The following DGCR8 variants were observed in gnomAD, a reference collection of about 807,000 sequenced individuals.
The protein encoded by DGCR8 is DGCR8 microprocessor complex subunit.
In DGCR8, 14 loss-of-function variants were observed where a neutral mutation model predicts 78.5. That is an observed-to-expected ratio of 0.18 (90% CI 0.12 to 0.28). DGCR8 has a LOEUF of 0.28. Ranked by LOEUF, DGCR8 falls within the 10% of genes least tolerant of loss-of-function variation. The probability of loss-of-function intolerance (pLI) is 1.00; values close to 1 mark genes in which losing one functional copy is unlikely to be tolerated. For synonymous variants in DGCR8, 399 were observed against 402.4 expected, an observed-to-expected ratio of 0.99 and a Z score of 0.10; for missense variants, 702 against 1,022.5, an observed-to-expected ratio of 0.69 and a Z score of 4.28.
chr22:20,099,764 T>C (rs1254878410), intron 9 of DGCR8, among the ~76,000 whole-genome samples: 3 of 152,164 alleles, frequency 2.0e-5, no homozygotes. Flanking sequence ...TTAGGATGGG[T>C]TTTGTAAAGT....
At chr22:20,108,696 G>C (rs983962848) in intron 12 of DGCR8, 194 bp from the exon 13 acceptor site, 2 of 453,530 alleles carry the variant, frequency 4.4e-6, no homozygotes, top group African/African-American at 2.0e-5. Flanking sequence ...GCTCTCTGCT[G>C]CTGTCAGTGG....
intron 9 of DGCR8, among the ~76,000 whole-genome samples, chr22:20,097,347 T>G (rs1248208558): frequency 6.6e-6 from 1 of 152,264 alleles, no homozygotes. Context: ...TAATTCAATC[T>G]TACATGTTAT....
intron 9 of DGCR8, 106 bp downstream of exon 9, chr22:20,094,901 T>C: frequency 2.1e-6 from 2 of 941,780 alleles, no homozygotes; most frequent in Middle Eastern, 2.9e-4. Flanking sequence ...ATGCCTTCCA[T>C]GCCCTGTAGG....
intron 1 of DGCR8, among the ~76,000 whole-genome samples, chr22:20,084,802 C>T (rs919440132): frequency 6.6e-6 from 1 of 152,258 alleles, no homozygotes; most frequent in African/African-American, 2.4e-5. Context: ...GCCTCTTTCA[C>T]ACCTTTGTCC....
At chr22:20,094,260 T>C (rs780314301) in intron 8 of DGCR8, among the ~76,000 whole-genome samples, 62 of 152,162 alleles carry the variant, frequency 4.1e-4, no homozygotes, top group Non-Finnish European at 6.0e-4. Flanking sequence ...ATCCGTGCCC[T>C]GCCCTCTAGC....
At chr22:20,103,411 G>C (rs955288729) in intron 9 of DGCR8, among the ~76,000 whole-genome samples, 7 of 152,108 alleles carry the variant, frequency 4.6e-5, no homozygotes, top group African/African-American at 1.7e-4. Flanking sequence ...TTTATTGCTA[G>C]CTTACAGAGC....
intron 9 of DGCR8, among the ~76,000 whole-genome samples, chr22:20,102,679 G>A (rs1177342631): frequency 1.3e-5 from 2 of 152,144 alleles, no homozygotes; most frequent in African/African-American, 4.8e-5. Flanking sequence ...ACTGTCTTTC[G>A]AGCTGTGTGT....
Position 20,111,257 on chromosome 22 carries a change from C to A in DGCR8, c.*1149C>A, listed in dbSNP as rs2049838989. ...AAGGCTGGCCCTGGTGGTGGACTGG[C>A]ACCTGTGCAGAGTGCCGTGTGCTTG... is the stretch of plus-strand genomic sequence containing the variant. On this transcript the variant is annotated 3_prime_UTR_variant, in exon 14 of 14. Transcript: ENST00000351989. 5.0e-6 allele frequency: 2 copies of A among 398,702 alleles called. No individual in the cohort carries two copies. The highest frequency in any genetic ancestry group is 8.8e-5 in the Admixed American group (2 of 22,708). The allele number at this position is 398,702 out of a possible 1,614,324, so 24.7% of individuals were successfully genotyped here. A position where few individuals can be genotyped will look rare whatever the true frequency, so the allele number is the denominator to read the frequency against.
At chr22:20,100,767 C>G in intron 9 of DGCR8, 5 of 985,416 alleles carry the variant, frequency 5.1e-6, no homozygotes, top group Non-Finnish European at 6.0e-6. Context: ...GTGGTGGCTT[C>G]CGCTGTAGAC....
At chr22:20,106,353 G>A (rs1242038010) in intron 10 of DGCR8, 76 bp downstream of exon 10, 2 of 1,326,110 alleles carry the variant, frequency 1.5e-6, no homozygotes, top group South Asian at 1.2e-5. Flanking sequence ...TCTTGTGGCT[G>A]TTTGTCCCAA....
intron 11 of DGCR8, 103 bp from the exon 12 acceptor site, chr22:20,107,168 C>T (rs1213807195): frequency 1.5e-6 from 2 of 1,354,524 alleles, no homozygotes; most frequent in African/African-American, 1.4e-5. Flanking sequence ...TGTGCCCTGG[C>T]TGGCCCTCGG....
Position 20,111,175 on chromosome 22 carries a change from G to T in DGCR8, c.*1067G>T, listed in dbSNP as rs929048137. Reference sequence around the variant, plus strand: ...GCTTCTCGACTGGTGGCCCCTATGGGTGGGTGTGCGATGGAAATGTGTTCC... The same window carrying T: ...GCTTCTCGACTGGTGGCCCCTATGGTTGGGTGTGCGATGGAAATGTGTTCC... On this transcript the variant is annotated 3_prime_UTR_variant, in exon 14 of 14. Coordinates refer to ENST00000351989, the MANE Select transcript of DGCR8 (RefSeq NM_022720.7). 8 of 398,726 alleles carry T rather than the reference G, an allele frequency of 2.0e-5. No homozygotes were observed. Among genetic ancestry groups the T allele is most frequent in the Admixed American group, 1.8e-4 (4 of 22,716 alleles). The allele number at this position is 398,726 out of a possible 1,614,324, so 24.7% of individuals were successfully genotyped here.
At chr22:20,094,859 G>T in intron 9 of DGCR8, 64 bp downstream of exon 9, 1 of 1,455,022 alleles carries the variant, frequency 6.9e-7, no homozygotes, top group Non-Finnish European at 9.7e-7. Context: ...TGCCCTGTTA[G>T]TGTGAGCTGG....
At chr22:20,098,926 T>G (rs1364554942) in intron 9 of DGCR8, among the ~76,000 whole-genome samples, 1 of 152,262 alleles carries the variant, frequency 6.6e-6, no homozygotes, top group African/African-American at 2.4e-5. Flanking sequence ...GGTGACAGTT[T>G]ACCTCATAAT....
intron 1 of DGCR8, among the ~76,000 whole-genome samples, chr22:20,082,325 G>A (rs368685915): frequency 6.6e-6 from 1 of 151,912 alleles, no homozygotes; most frequent in African/African-American, 2.4e-5. Context: ...CTTCCAGAGC[G>A]CTGGGATTAC....
chr22:20,089,913 G>A lies in DGCR8; in HGVS notation c.1024-63G>A. On this transcript the variant is annotated intron_variant, in intron 4 of 13. Coordinates refer to ENST00000351989, the MANE Select transcript of DGCR8 (RefSeq NM_022720.7). This position sits in a 1 kb window ranked among gnomAD's most constrained non-coding sequence, Gnocchi z 4.9. ...GCAGCCAAGCAGAGGCCGGTGAAAG[G>A]CATCAGAGTTTCAGACTCTCGGGTT... 2 of 1,586,314 alleles carry A rather than the reference G, an allele frequency of 1.3e-6. No homozygotes were observed. The highest frequency in any genetic ancestry group is 1.7e-6 in the Non-Finnish European group (2 of 1,164,154).
chr22:20,101,153 C>T, intron 9 of DGCR8: 2 of 965,904 alleles, frequency 2.1e-6, no homozygotes, highest in Non-Finnish European at 2.5e-6. Context: ...AGGAAATCCT[C>T]AGGGTTTTAA....
intron 9 of DGCR8, chr22:20,096,522 T>C: frequency 4.1e-6 from 4 of 973,330 alleles, no homozygotes; most frequent in Non-Finnish European, 4.9e-6. Context: ...ATATAATAGC[T>C]TTATTGAGAT....
intron 9 of DGCR8, chr22:20,100,892 C>G (rs917875063): frequency 1.7e-5 from 16 of 947,958 alleles, no homozygotes; most frequent in African/African-American, 1.6e-4. Flanking sequence ...GGACTGCCCC[C>G]ACTTCCTGTG....
Sources: gnomAD v4.1 joint callset for allele counts (sites outside exome capture counted in the v4.1 genomes callset) on GRCh38, gnomAD v4.1.1 for gene constraint, Gnocchi (gnomAD v3.1) non-coding constraint, MANE v1.5 for transcripts, NCBI Gene and HGNC (gene_info 2026-07-23, HGNC 2026-07-21) for gene names.